The following RSBN1 variants were observed in gnomAD, a reference collection of about 807,000 sequenced individuals.
RSBN1 encodes lysine-specific demethylase 9.
In RSBN1, 23 loss-of-function variants were observed where a neutral mutation model predicts 74.8. That is an observed-to-expected ratio of 0.31 (90% CI 0.22 to 0.44). The LOEUF is 0.44. Ranked by LOEUF, RSBN1 falls within the 20% of genes least tolerant of loss-of-function variation. The pLI is 1.00. For synonymous variants in RSBN1, 407 were observed against 379.6 expected (o/e 1.07, Z -0.84); for missense variants, 808 against 1,020.9 (o/e 0.79, Z 2.84).
chr1:113,780,664 C>G (rs191718565), intron 2 of RSBN1, among the ~76,000 whole-genome samples: 8 of 152,170 alleles, frequency 5.3e-5, no homozygotes, highest in African/African-American at 1.4e-4. Context: ...TCTCATCTTA[C>G]GAGGATCTTC....
Position 113,811,768 on chromosome 1 carries a change from G to C in RSBN1, c.645C>G (p.Asp215Glu), listed in dbSNP as rs1558007120. 6.2e-7 allele frequency: 1 copy of C among 1,613,594 alleles called. No individual in the cohort carries two copies. The highest frequency in any genetic ancestry group is 8.5e-7 in the Non-Finnish European group (1 of 1,179,858). Residue 215 changes from aspartate (D) to glutamate (E), a missense_variant, in exon 1 of 7, where the codon GAC becomes GAG. By Grantham distance (45) the Asp-to-Glu change is conservative. Around this residue, in one of 6 missense-constraint regions of RSBN1, gnomAD observed 464 missense variants for 401.0 expected, o/e 1.16. Coordinates refer to ENST00000261441, the MANE Select transcript of RSBN1 (RefSeq NM_018364.5). ...CAGTCCTCTCGCCGTTTTCCTGCTT[G>C]TCCTTGTGCTTGAGATCGGTTCCGC... is the stretch of plus-strand genomic sequence containing the variant. Reference protein sequence around the residue: ...SSCGTDLKHKDKQENGERTGG... With the variant: ...SSCGTDLKHKEKQENGERTGG...
Position 113,798,035 on chromosome 1 carries a change from T to C in RSBN1, c.705A>G (p.Glu235=). The change falls in exon 2 of 7, where the codon GAA becomes GAG. Residue 235 remains glutamate, a splice_region_variant and synonymous_variant. Coordinates refer to ENST00000261441, the MANE Select transcript of RSBN1 (RefSeq NM_018364.5). The part of the protein sequence containing the change: ...GVPLIKAPKR[E]TPDENGKTQR... ...GGGTTTTACCATTTTCATCTGGTGT[T>C]TCTGGCCACAATAATTAAAAAGAAG... 16 of 1,596,078 alleles carry C rather than the reference T, an allele frequency of 1.0e-5. No individual in the cohort carries two copies. Among genetic ancestry groups the C allele is most frequent in the Non-Finnish European group, 1.4e-5 (16 of 1,174,394 alleles).
At chr1:113,811,619 C>A in intron 1 of RSBN1, 91 bp downstream of exon 1, 2 of 1,477,082 alleles carry the variant, frequency 1.4e-6, no homozygotes, top group Non-Finnish European at 1.8e-6. Context: ...AGAAGGTAAG[C>A]AGGGGTTTGG....
intron 4 of RSBN1, among the ~76,000 whole-genome samples, chr1:113,774,379 T>G (rs939773930): frequency 7.3e-5 from 11 of 150,516 alleles, no homozygotes; most frequent in Non-Finnish European, 1.5e-4. Flanking sequence ...TAATTAAAAT[T>G]AAAAAAAACA....
intron 1 of RSBN1, 31 bp downstream of exon 1, chr1:113,811,679 A>C: frequency 6.5e-7 from 1 of 1,549,320 alleles, no homozygotes; most frequent in Non-Finnish European, 8.7e-7. Context: ...AGAGACCTAG[A>C]ACCCAAGCCG....
rs1364291052 is a variant in RSBN1, at chr1:113,777,938, G to C, written c.1378-130C>G. ...CTAAGAACTGAATGGTCAATACCTT[G>C]AATAAAGTCAGAGAGGCACCCAAGC... On this transcript the variant is annotated intron_variant, in intron 2 of 6. Transcript: ENST00000261441. The C allele has an allele frequency of 3.6e-6, 3 of 824,776 alleles. No homozygotes were observed. The African/African-American group carries it at 5.2e-5, about 14-fold the overall frequency. 51.1% of individuals were successfully genotyped at this position (824,776 alleles called of 1,614,324 possible).
intron 1 of RSBN1, among the ~76,000 whole-genome samples, chr1:113,809,298 C>A (rs897316732): frequency 6.6e-6 from 1 of 152,156 alleles, no homozygotes; most frequent in Non-Finnish European, 1.5e-5. Flanking sequence ...AATACCACAA[C>A]CCCATTTTAT....
chr1:113,777,612 C>T, intron 3 of RSBN1, 59 bp downstream of exon 3: 1 of 1,490,426 alleles, frequency 6.7e-7, no homozygotes, highest in Non-Finnish European at 9.2e-7. Flanking sequence ...TACTCTTCAA[C>T]ATATAAAGTG....
intron 4 of RSBN1, among the ~76,000 whole-genome samples, chr1:113,775,615 G>A (rs1303884314): frequency 1.3e-5 from 2 of 152,124 alleles, no homozygotes; most frequent in Non-Finnish European, 2.9e-5. Flanking sequence ...GGGATTACAG[G>A]TGTGAGCCAC....
chr1:113,781,656 A>G (rs774119215), intron 2 of RSBN1, among the ~76,000 whole-genome samples: 7 of 152,100 alleles, frequency 4.6e-5, no homozygotes, highest in Non-Finnish European at 8.8e-5. Flanking sequence ...TACCTACAAA[A>G]CAGAGCTCGT....
intron 1 of RSBN1, among the ~76,000 whole-genome samples, chr1:113,803,383 C>T (rs145497398): frequency 6.6e-6 from 1 of 152,156 alleles, no homozygotes; most frequent in Admixed American, 6.5e-5. Context: ...ACTGCTGGAT[C>T]GTATAGTATG....
At chr1:113,769,296 T>C (rs563653720) in intron 4 of RSBN1, among the ~76,000 whole-genome samples, 63 of 152,340 alleles carry the variant, frequency 4.1e-4, no homozygotes, top group African/African-American at 1.5e-3. Context: ...GTCTGCTGTT[T>C]TGGTGTACTG....
At position 113,765,608 on chromosome 1, in the gene RSBN1, A is replaced by C. The variant is rs1039586118; in HGVS notation, c.*372T>G. ...TAAACCATAAATCTTATTTATCCAT[A>C]AAAACAGCAAATATGGCAAGAGACA... On this transcript the variant is annotated 3_prime_UTR_variant, in exon 7 of 7. Coordinates refer to ENST00000261441, the MANE Select transcript of RSBN1 (RefSeq NM_018364.5). 12 of 182,194 alleles carry C rather than the reference A, an allele frequency of 6.6e-5. No individual in the cohort carries two copies. The highest frequency in any genetic ancestry group is 5.4e-4 in the Admixed American group (10 of 18,628). 11.3% of individuals were successfully genotyped at this position (182,194 alleles called of 1,614,324 possible). A position where few individuals can be genotyped will look rare whatever the true frequency, so the allele number is the denominator to read the frequency against.
chr1:113,799,425 G>A (rs1208194594), intron 1 of RSBN1, among the ~76,000 whole-genome samples: 1 of 152,132 alleles, frequency 6.6e-6, no homozygotes, highest in Non-Finnish European at 1.5e-5. Flanking sequence ...TTTGGGGGAA[G>A]CTCTTTTGGG....
intron 2 of RSBN1, 139 bp from the exon 3 acceptor site, chr1:113,777,947 CAG>C (rs1421391635): frequency 4.3e-6 from 3 of 698,530 alleles, no homozygotes; most frequent in African/African-American, 1.8e-5. Context: ...TGAATAAAGT[CAG>C]AGAGGCACCC....
chr1:113,781,312 A>G (rs566803746), intron 2 of RSBN1, among the ~76,000 whole-genome samples: 4 of 152,124 alleles, frequency 2.6e-5, no homozygotes, highest in Non-Finnish European at 5.9e-5. Context: ...TTCACATCTC[A>G]TATCATTGCA....
rs140495608 is a variant in RSBN1 at position 113,811,759 on chromosome 1, T to C, written c.654A>G (p.Glu218=). ...GCACCCCTCCAGTCCTCTCGCCGTT[T>C]TCCTGCTTGTCCTTGTGCTTGAGAT... ...GTDLKHKDKQ[E]NGERTGGVPL... is the part of the protein sequence containing the mutation. The change falls in exon 1 of 7, where the codon GAA becomes GAG. Residue 218 remains glutamate (E), a synonymous_variant. Transcript: ENST00000261441. The C allele has an allele frequency of 2.5e-6, 4 of 1,613,066 alleles. No homozygotes were observed. The highest frequency in any genetic ancestry group is 2.7e-5 in the African/African-American group (2 of 74,832).
rs1262000358 is a variant in RSBN1 at position 113,764,488 on chromosome 1, T to C, written c.*1492A>G. 6.6e-6 allele frequency: 1 copy of C among 152,560 alleles called. No individual in the cohort carries two copies. The highest frequency in any genetic ancestry group is 2.4e-5 in the African/African-American group (1 of 41,420). The allele number at this position is 152,560 out of a possible 1,614,324, so 9.5% of individuals were successfully genotyped here. A position where few individuals can be genotyped will look rare whatever the true frequency, so the allele number is the denominator to read the frequency against. Reference sequence around the variant, plus strand: ...ATATGCATTTAACTACACAACAATATTGCACAAAGTAATATTTATATAAGA... The same window carrying C: ...ATATGCATTTAACTACACAACAATACTGCACAAAGTAATATTTATATAAGA... On this transcript the variant is annotated 3_prime_UTR_variant, in exon 7 of 7. Transcript: ENST00000261441.
chr1:113,811,859 T>C lies in RSBN1; in HGVS notation c.554A>G (p.His185Arg), dbSNP rs747313984. The part of the protein sequence containing the change: ...PLTVSAAGPK[H>R]KGHKERHKHH... ...CTTGTGCCGCTCCTTGTGGCCCTTA[T>C]GCTTGGGCCCGGCCGCGCTCACCGT... Residue 185 changes from histidine (H) to arginine (R), a missense_variant, in exon 1 of 7, where the codon CAT (histidine) becomes CGT (arginine). Physicochemically the swap from His to Arg is conservative, Grantham distance 29. Transcript: ENST00000261441. The C allele has an allele frequency of 1.2e-6, 2 of 1,613,576 alleles. No individual in the cohort carries two copies. Among genetic ancestry groups the C allele is most frequent in the South Asian group, 2.2e-5 (2 of 91,070 alleles).
Sources: gnomAD v4.1 joint callset for allele counts (sites outside exome capture counted in the v4.1 genomes callset) on GRCh38, gnomAD v4.1.1 for gene constraint, gnomAD v4.1.1 regional missense constraint, MANE v1.5 for transcripts, NCBI Gene and HGNC (gene_info 2026-07-23, HGNC 2026-07-21) for gene names.